The following RPTOR variants were observed in gnomAD, a reference collection of about 807,000 sequenced individuals.
The protein encoded by RPTOR is regulatory-associated protein of mTOR.
Under a neutral mutation model 169.9 loss-of-function variants are expected in RPTOR, and 21 were observed. The observed-to-expected ratio is 0.12, with a 90% CI of 0.09 to 0.18. The LOEUF (loss-of-function observed/expected upper bound fraction) is 0.18. Among genes scored for constraint, RPTOR ranks in the 10% least tolerant of loss-of-function variants. RPTOR has a pLI of 1.00. For missense variants in RPTOR, 1,133 were observed against 1,855.9 expected (o/e 0.61, Z 7.16); for synonymous variants, 732 against 753.2 (o/e 0.97, Z 0.46).
At chr17:80,694,504 C>T (rs2066019928) in intron 3 of RPTOR, among the ~76,000 whole-genome samples, 1 of 152,228 alleles carries the variant, frequency 6.6e-6, no homozygotes, top group Non-Finnish European at 1.5e-5. Flanking sequence ...CGTTGAGTGC[C>T]TCCTTTCCCG....
At chr17:80,569,502 G>C (rs901945164) in intron 1 of RPTOR, among the ~76,000 whole-genome samples, 1 of 151,330 alleles carries the variant, frequency 6.6e-6, no homozygotes, top group South Asian at 2.1e-4. Context: ...TCCAGCCTGG[G>C]CAACAGAGCG....
intron 6 of RPTOR, among the ~76,000 whole-genome samples, chr17:80,779,659 C>G (rs1214189450): frequency 6.6e-6 from 1 of 152,124 alleles, no homozygotes; most frequent in Non-Finnish European, 1.5e-5. Context: ...TGGCGCATGT[C>G]TGGAGGCTGC....
intron 7 of RPTOR, among the ~76,000 whole-genome samples, chr17:80,808,996 C>T (rs2067246545): frequency 6.6e-6 from 1 of 152,164 alleles, no homozygotes; most frequent in Non-Finnish European, 1.5e-5. Flanking sequence ...TTTGTGTGGG[C>T]ATATATATTC....
At chr17:80,881,009 A>G (rs775995926) in intron 14 of RPTOR, among the ~76,000 whole-genome samples, 2 of 152,232 alleles carry the variant, frequency 1.3e-5, no homozygotes, top group Non-Finnish European at 2.9e-5. Flanking sequence ...TTAGTAATCC[A>G]TGAATAGGGT....
At chr17:80,685,507 C>G (rs2065933126) in intron 3 of RPTOR, among the ~76,000 whole-genome samples, 1 of 147,416 alleles carries the variant, frequency 6.8e-6, no homozygotes, top group African/African-American at 2.5e-5. Flanking sequence ...CTCCTGGGGT[C>G]AAGTGATCCT....
chr17:80,704,032 T>C (rs940890893), intron 3 of RPTOR, among the ~76,000 whole-genome samples: 2 of 152,166 alleles, frequency 1.3e-5, no homozygotes, highest in Non-Finnish European at 1.5e-5. Context: ...TGCTTTTTTG[T>C]TGGGTGTGGA....
chr17:80,671,926 C>G (rs1406513535), intron 3 of RPTOR, among the ~76,000 whole-genome samples: 2 of 152,176 alleles, frequency 1.3e-5, no homozygotes, highest in African/African-American at 4.8e-5. Flanking sequence ...GCTTAATTTC[C>G]AAGTAGCTGT....
chr17:80,618,007 G>T (rs2065325251), intron 1 of RPTOR, among the ~76,000 whole-genome samples: 1 of 144,342 alleles, frequency 6.9e-6, no homozygotes, highest in South Asian at 2.1e-4. Flanking sequence ...TTAAGACGGG[G>T]TCTTGCTCTG....
intron 22 of RPTOR, among the ~76,000 whole-genome samples, chr17:80,923,058 A>G (rs1361798541): frequency 1.3e-5 from 2 of 152,074 alleles, no homozygotes; most frequent in Admixed American, 6.5e-5. Context: ...CTTCATGTGC[A>G]CATCATCTCA....
rs1472382397 is a variant in RPTOR at position 80,746,745 on chromosome 17, T to C, written c.655-7265T>C. ...AAGCACTCAGCCTTACACGCAGGCC[T>C]GTTTCTGAAAGATAGTTTCAATTAC... On this transcript the variant is annotated intron_variant, in intron 5 of 33. Coordinates refer to ENST00000306801, the MANE Select transcript of RPTOR (RefSeq NM_020761.3). This position sits in a 1 kb window ranked among gnomAD's most constrained non-coding sequence, Gnocchi z 4.5. Among the ~76,000 whole-genome samples the C allele has an allele frequency of 6.6e-6, 1 of 152,174 alleles. No individual in the cohort carries two copies. Among genetic ancestry groups the C allele is most frequent in the Non-Finnish European group, 1.5e-5 (1 of 68,032 alleles).
chr17:80,956,836 C>T (rs534243524), intron 28 of RPTOR, among the ~76,000 whole-genome samples: 81 of 152,256 alleles, frequency 5.3e-4, no homozygotes, highest in Middle Eastern at 3.4e-3. Flanking sequence ...ACACCTTAGA[C>T]AGATGTTCCT....
At chr17:80,944,878 C>T (rs915579086) in intron 25 of RPTOR, among the ~76,000 whole-genome samples, 13 of 151,876 alleles carry the variant, frequency 8.6e-5, no homozygotes, top group South Asian at 2.1e-4. Flanking sequence ...GTAATCCCAG[C>T]GACTCAGGAG....
At chr17:80,805,181 G>A (rs1292718832) in intron 7 of RPTOR, 4 of 152,356 alleles carry the variant, frequency 2.6e-5, no homozygotes, top group South Asian at 2.1e-4. Flanking sequence ...CAGGACAGTC[G>A]GGGGAAGGTG....
intron 3 of RPTOR, among the ~76,000 whole-genome samples, chr17:80,680,801 G>A (rs1052851697): frequency 2.0e-5 from 3 of 152,068 alleles, no homozygotes; most frequent in Admixed American, 2.0e-4. Context: ...TTTGCAAGTG[G>A]TCCTGCGTGC....
chr17:80,855,319 G>A, intron 11 of RPTOR, 145 bp from the exon 12 acceptor site: 2 of 636,160 alleles, frequency 3.1e-6, no homozygotes, highest in Non-Finnish European at 5.7e-6. Flanking sequence ...TGTAAGGAAA[G>A]GAGCACCAGC....
chr17:80,709,044 C>G, intron 4 of RPTOR: 16 of 985,408 alleles, frequency 1.6e-5, no homozygotes, highest in Non-Finnish European at 1.9e-5. Flanking sequence ...AGTGTGGGCC[C>G]AGAGCAGAGA....
chr17:80,728,582 T>G (rs12951944), intron 4 of RPTOR, among the ~76,000 whole-genome samples: 27,026 of 152,042 alleles, frequency 0.18, 2,839 homozygotes, highest in East Asian at 0.24. Flanking sequence ...TAGAGTTACG[T>G]ATGTGGGTCT....
At chr17:80,854,724 TCTCTA>T (rs1567950839) in intron 11 of RPTOR, among the ~76,000 whole-genome samples, 1 of 152,094 alleles carries the variant, frequency 6.6e-6, no homozygotes, top group Non-Finnish European at 1.5e-5. Context: ...GAGACCCCCA[TCTCTA>T]TAAAAAATAC....
chr17:80,626,753 A>T (rs2143536602), intron 2 of RPTOR, among the ~76,000 whole-genome samples: 1 of 148,214 alleles, frequency 6.7e-6, no homozygotes, highest in South Asian at 2.1e-4. Context: ...TAAAACATAG[A>T]CAACACAAAA....
Sources: gnomAD v4.1 joint callset for allele counts (sites outside exome capture counted in the v4.1 genomes callset) on GRCh38, gnomAD v4.1.1 for gene constraint, Gnocchi (gnomAD v3.1) non-coding constraint, MANE v1.5 for transcripts, NCBI Gene and HGNC (gene_info 2026-07-23, HGNC 2026-07-21) for gene names.